Variants in GALNT13 observed in about 807,000 individuals in gnomAD.
GALNT13 encodes the protein polypeptide N-acetylgalactosaminyltransferase 13.
GALNT13 carries 28 observed loss-of-function variants against 64.2 expected under a neutral mutation model. The observed-to-expected ratio is 0.44, with a 90% CI of 0.32 to 0.60. The LOEUF is 0.60. Among genes scored for constraint, GALNT13 ranks in the 20% least tolerant of loss-of-function variants. The pLI is 0.05. For missense variants in GALNT13, 577 were observed against 669.8 expected, an observed-to-expected ratio of 0.86 and a Z score of 1.53; for synonymous variants, 214 against 224.6, an observed-to-expected ratio of 0.95 and a Z score of 0.42.
chr2:153,673,655 G>T, the GALNT13 span, among the ~76,000 whole-genome samples: 1 of 152,154 alleles, frequency 6.6e-6, no homozygotes, highest in South Asian at 2.1e-4. Flanking sequence ...ACAAGACAAG[G>T]ATGCCCTCTC....
the GALNT13 span, among the ~76,000 whole-genome samples, chr2:153,165,687 G>T: frequency 6.6e-6 from 1 of 152,154 alleles, no homozygotes; most frequent in African/African-American, 2.4e-5. Flanking sequence ...TGCATAGGTT[G>T]TATTTATTAG....
the GALNT13 span, among the ~76,000 whole-genome samples, chr2:153,531,657 A>T: frequency 1.3e-5 from 2 of 151,876 alleles, no homozygotes; most frequent in African/African-American, 4.8e-5. Context: ...CCAAAATCTC[A>T]TCTGAGATAA....
At chr2:153,241,802 C>A in the GALNT13 span, among the ~76,000 whole-genome samples, 2 of 151,844 alleles carry the variant, frequency 1.3e-5, no homozygotes, top group Admixed American at 6.6e-5. Context: ...CCCTCTCCCC[C>A]TTATAGAAAG....
intron 1 of GALNT13, among the ~76,000 whole-genome samples, chr2:153,875,125 TA>T (rs1686270794): frequency 1.3e-5 from 2 of 151,918 alleles, no homozygotes; most frequent in African/African-American, 4.8e-5. Context: ...TATATATATA[TA>T]TATGAGATGT....
At chr2:154,277,653 A>G (rs532149754) in intron 8 of GALNT13, among the ~76,000 whole-genome samples, 1 of 152,240 alleles carries the variant, frequency 6.6e-6, no homozygotes, top group East Asian at 1.9e-4. Flanking sequence ...ATTTCATCCA[A>G]CTGTAAAAAA....
chr2:153,169,743 C>A, the GALNT13 span, among the ~76,000 whole-genome samples: 1 of 152,242 alleles, frequency 6.6e-6, no homozygotes, highest in Non-Finnish European at 1.5e-5. Flanking sequence ...AGAGTTGAAA[C>A]CTGCAGTGCA....
At chr2:154,075,746 C>T (rs1245666919) in intron 3 of GALNT13, among the ~76,000 whole-genome samples, 2 of 151,784 alleles carry the variant, frequency 1.3e-5, no homozygotes, top group African/African-American at 4.8e-5. Context: ...CAGTTCCCTA[C>T]TGGGGTAAAT....
the GALNT13 span, among the ~76,000 whole-genome samples, chr2:153,345,432 C>A: frequency 2.0e-5 from 3 of 151,652 alleles, no homozygotes; most frequent in Admixed American, 2.0e-4. Context: ...ATTCTGAATG[C>A]CTCTGAAGAG....
At chr2:153,898,080 C>T (rs1339056492) in intron 1 of GALNT13, among the ~76,000 whole-genome samples, 1 of 151,970 alleles carries the variant, frequency 6.6e-6, no homozygotes, top group Non-Finnish European at 1.5e-5. Flanking sequence ...TTCTGGTATC[C>T]TTTACCTTTT....
the GALNT13 span, among the ~76,000 whole-genome samples, chr2:153,530,203 C>CA: frequency 4.0e-5 from 6 of 150,090 alleles, no homozygotes; most frequent in Non-Finnish European, 7.4e-5. Flanking sequence ...CAAAGTAGGA[C>CA]AAAAAAATCA....
rs531722367 is a variant in GALNT13, at chr2:153,958,040, A to T, written c.142+13401A>T. On this transcript the variant is annotated intron_variant, in intron 3 of 12. Coordinates refer to ENST00000392825, the MANE Select transcript of GALNT13 (RefSeq NM_052917.4). The stretch of plus-strand genomic sequence containing the variant: ...AAGTATTCCCTCACTTCCGTTAGGT[A>T]TCTCCTGCAATGGACACAGGTTTGA... 2.6e-5 allele frequency among the ~76,000 whole-genome samples: 4 copies of T among 152,336 alleles called. No homozygotes were observed. In the South Asian group the frequency reaches 8.3e-4, roughly 32 times the overall value.
the GALNT13 span, among the ~76,000 whole-genome samples, chr2:153,613,951 C>G: frequency 1.3e-5 from 2 of 151,794 alleles, no homozygotes; most frequent in Non-Finnish European, 2.9e-5. Flanking sequence ...ACATGGCACA[C>G]GTATACATAT....
At chr2:153,168,551 G>A in the GALNT13 span, among the ~76,000 whole-genome samples, 2 of 152,134 alleles carry the variant, frequency 1.3e-5, no homozygotes, top group Admixed American at 6.6e-5. Context: ...AGGGGTGTGT[G>A]TGTGGTGAGA....
At chr2:153,845,968 G>A in the GALNT13 span, among the ~76,000 whole-genome samples, 1 of 152,256 alleles carries the variant, frequency 6.6e-6, no homozygotes, top group East Asian at 1.9e-4. Flanking sequence ...GAAGTTCTGA[G>A]AGAAACTGCT....
intron 3 of GALNT13, among the ~76,000 whole-genome samples, chr2:153,972,366 C>T (rs765107820): frequency 6.6e-6 from 1 of 152,096 alleles, no homozygotes; most frequent in Non-Finnish European, 1.5e-5. Context: ...ACACTAAGAA[C>T]TCTTTACTCC....
intron 3 of GALNT13, among the ~76,000 whole-genome samples, chr2:154,127,179 G>A (rs1195360563): frequency 2.0e-5 from 3 of 152,014 alleles, no homozygotes; most frequent in South Asian, 4.2e-4. Context: ...TCCCTCCCCA[G>A]TAGCATGAAT....
chr2:153,749,205 C>G, the GALNT13 span, among the ~76,000 whole-genome samples: 1 of 151,926 alleles, frequency 6.6e-6, no homozygotes, highest in Non-Finnish European at 1.5e-5. Flanking sequence ...GTTTTCATGA[C>G]AGTGCCATAC....
At chr2:153,220,676 T>C in the GALNT13 span, among the ~76,000 whole-genome samples, 2 of 152,236 alleles carry the variant, frequency 1.3e-5, no homozygotes, top group Admixed American at 6.5e-5. Context: ...AAGTGTACTT[T>C]CCTTTCTTTC....
the GALNT13 span, among the ~76,000 whole-genome samples, chr2:153,713,375 C>T: frequency 3.3e-5 from 5 of 152,192 alleles, no homozygotes; most frequent in African/African-American, 1.2e-4. Context: ...TACAAACATC[C>T]TGATTCCAGG....
Sources: allele counts gnomAD v4.1 joint callset (sites outside exome capture counted in the v4.1 genomes callset), GRCh38; gene constraint gnomAD v4.1.1; transcripts MANE v1.5; gene names NCBI Gene and HGNC (gene_info 2026-07-23, HGNC 2026-07-21).